GRIK3: variants seen among roughly 807,000 people sequenced by gnomAD.
GRIK3 encodes glutamate receptor ionotropic, kainate 3.
GRIK3 carries 29 observed loss-of-function variants against 102.5 expected under a neutral mutation model. The observed-to-expected ratio is 0.28, with a 90% CI of 0.21 to 0.39. GRIK3 has a LOEUF of 0.39. GRIK3 is among the 10% of genes least tolerant of loss of function. The probability of loss-of-function intolerance (pLI) is 1.00; values close to 1 mark genes in which losing one functional copy is unlikely to be tolerated. For missense variants in GRIK3, 908 were observed against 1,252.4 expected (o/e 0.73, Z 4.15); for synonymous variants, 511 against 504.9 (o/e 1.01, Z -0.16).
chr1:36,881,446 G>C (rs1034850024), intron 2 of GRIK3, among the ~76,000 whole-genome samples: 1 of 152,106 alleles, frequency 6.6e-6, no homozygotes, highest in Non-Finnish European at 1.5e-5. Flanking sequence ...ATAAACAGCA[G>C]CTCCATTGTC....
chr1:36,999,604 C>T (rs976177506), intron 1 of GRIK3, among the ~76,000 whole-genome samples: 3 of 152,256 alleles, frequency 2.0e-5, no homozygotes, highest in African/African-American at 7.2e-5. Context: ...TCAGCCCCCT[C>T]CCCTAGAAGC....
intron 1 of GRIK3, among the ~76,000 whole-genome samples, chr1:37,015,940 C>T (rs929994884): frequency 6.6e-6 from 1 of 152,260 alleles, no homozygotes; most frequent in Admixed American, 6.5e-5. Context: ...CATGTCCACA[C>T]ACCTCAAAGA....
rs78565013 is a variant in GRIK3, at chr1:36,915,275, C to T, written c.116-24179G>A. Among the ~76,000 whole-genome samples the T allele has an allele frequency of 7.5e-4, 114 of 152,306 alleles. 2 individuals are homozygous for T. The East Asian group carries it at 7.7e-3, about 10-fold the overall frequency. On this transcript the variant is annotated intron_variant, in intron 1 of 15. Transcript: ENST00000373091. ...AAATATCTATTTGCTGTCTAGTGTA[C>T]AGTCCACCTCTTCTCCCCACCCTCA...
At position 36,880,919 on chromosome 1, in the gene GRIK3, G is replaced by A; in HGVS notation, c.293-28C>T. On this transcript the variant is annotated intron_variant, in intron 2 of 15. Coordinates refer to ENST00000373091, the MANE Select transcript of GRIK3 (RefSeq NM_000831.4). The surrounding 1 kb of genome is among the most constrained non-coding windows in gnomAD (Gnocchi z 5.4). ...GCAACAGAGGGTAGGGCAGCACAGG[G>A]GTCAGCACTGGGGCTGTGGGTATGG... 1 of 1,573,792 alleles carries A rather than the reference G, an allele frequency of 6.4e-7. No homozygotes were observed. Among genetic ancestry groups the A allele is most frequent in the Non-Finnish European group, 8.6e-7 (1 of 1,158,886 alleles).
At chr1:36,998,449 A>G (rs1310881414) in intron 1 of GRIK3, among the ~76,000 whole-genome samples, 1 of 152,212 alleles carries the variant, frequency 6.6e-6, no homozygotes, top group South Asian at 2.1e-4. Context: ...TTGACTCTGT[A>G]TCTCTAGCAT....
At chr1:36,869,900 G>T in intron 4 of GRIK3, 99 bp from the exon 5 acceptor site, 1 of 837,508 alleles carries the variant, frequency 1.2e-6, no homozygotes, top group Non-Finnish European at 2.1e-6. Flanking sequence ...AGTGGGTTGG[G>T]GAAGGCTGGC....
chr1:36,873,952 A>G (rs1042313236), intron 3 of GRIK3, among the ~76,000 whole-genome samples: 28 of 152,182 alleles, frequency 1.8e-4, no homozygotes, highest in Admixed American at 1.2e-3. Context: ...GTCAGAGAGA[A>G]CAAGTAGCAA....
chr1:36,863,239 C>T (rs186327065), intron 5 of GRIK3, among the ~76,000 whole-genome samples: 73 of 152,234 alleles, frequency 4.8e-4, no homozygotes, highest in African/African-American at 1.5e-3. Flanking sequence ...CCTATGATGA[C>T]GCATCTCCTC....
At chr1:36,879,370 T>C (rs1446782666) in intron 3 of GRIK3, among the ~76,000 whole-genome samples, 8 of 152,174 alleles carry the variant, frequency 5.3e-5, no homozygotes, top group African/African-American at 1.4e-4. Context: ...GCTGCATGCC[T>C]ATAGTTCCAG....
intron 1 of GRIK3, among the ~76,000 whole-genome samples, chr1:36,956,256 C>A (rs576464599): frequency 2.6e-5 from 4 of 152,114 alleles, no homozygotes; most frequent in African/African-American, 9.7e-5. Flanking sequence ...AAGCAGGCAG[C>A]GTGATTGGTA....
intron 1 of GRIK3, among the ~76,000 whole-genome samples, chr1:36,967,737 G>A (rs1642095432): frequency 6.6e-6 from 1 of 152,210 alleles, no homozygotes; most frequent in African/African-American, 2.4e-5. Flanking sequence ...TGAGTCAGAA[G>A]CCCAACTTTA....
At chr1:36,896,144 G>T (rs1030464955) in intron 1 of GRIK3, among the ~76,000 whole-genome samples, 2 of 152,126 alleles carry the variant, frequency 1.3e-5, no homozygotes, top group South Asian at 4.1e-4. Flanking sequence ...TCTTTAGAGA[G>T]AAGGAAAATA....
chr1:36,832,477 C>T (rs1008948829), intron 10 of GRIK3, among the ~76,000 whole-genome samples: 2 of 152,160 alleles, frequency 1.3e-5, no homozygotes, highest in South Asian at 2.1e-4. Context: ...TGGACATGAA[C>T]CTGACAAACC....
intron 13 of GRIK3, among the ~76,000 whole-genome samples, chr1:36,815,504 C>G (rs1248372328): frequency 6.6e-6 from 1 of 152,204 alleles, no homozygotes; most frequent in East Asian, 1.9e-4. Context: ...GAAAATACCC[C>G]AGGCTTCCAT....
At chr1:36,802,945 C>T (rs1471412292) in intron 15 of GRIK3, among the ~76,000 whole-genome samples, 1 of 152,046 alleles carries the variant, frequency 6.6e-6, no homozygotes, top group East Asian at 1.9e-4. Flanking sequence ...ATACTTAATG[C>T]GACCCTACTA....
At chr1:36,909,600 CT>C (rs1407301983) in intron 1 of GRIK3, among the ~76,000 whole-genome samples, 1 of 152,090 alleles carries the variant, frequency 6.6e-6, no homozygotes, top group Non-Finnish European at 1.5e-5. Flanking sequence ...TGCGCCCGGC[CT>C]TTTTTTCTTT....
chr1:36,806,268 G>A lies in GRIK3; in HGVS notation c.2150C>T (p.Ala717Val), dbSNP rs1273819035. The A allele has an allele frequency of 3.7e-6, 6 of 1,614,142 alleles. No individual in the cohort carries two copies. The Middle Eastern group carries it at 6.6e-4, about 178-fold the overall frequency. ...GCCCTCCTCGTTGTTCTTCACCAGCGCCGATGGCTTGCTGCTCATGAAGGC... is the reference window on the plus strand; with the variant it reads ...GCCCTCCTCGTTGTTCTTCACCAGCACCGATGGCTTGCTGCTCATGAAGGC... ...MWAFMSSKPS[A>V]LVKNNEEGIQ... Residue 717 changes from alanine to valine, a missense_variant, in exon 14 of 16, where the codon GCG becomes GTG. Physicochemically the swap from Ala to Val is moderately conservative, Grantham distance 64. Coordinates refer to ENST00000373091, the MANE Select transcript of GRIK3 (RefSeq NM_000831.4). The surrounding 1 kb of genome is among the most constrained non-coding windows in gnomAD (Gnocchi z 4.0).
At chr1:36,948,954 G>A (rs894280050) in intron 1 of GRIK3, among the ~76,000 whole-genome samples, 6 of 152,312 alleles carry the variant, frequency 3.9e-5, no homozygotes, top group East Asian at 1.9e-4. Flanking sequence ...GGCACCAAGC[G>A]CAGCTCCTGG....
At chr1:36,816,999 T>C in intron 13 of GRIK3, 61 bp downstream of exon 13, 1 of 1,170,672 alleles carries the variant, frequency 8.5e-7, no homozygotes, top group South Asian at 1.3e-5. Context: ...CCTCTTCTGC[T>C]CAGTAAAGGG....
Sources: allele counts gnomAD v4.1 joint callset (sites outside exome capture counted in the v4.1 genomes callset), GRCh38; gene constraint gnomAD v4.1.1; non-coding constraint Gnocchi (gnomAD v3.1); transcripts MANE v1.5; gene names NCBI Gene and HGNC (gene_info 2026-07-23, HGNC 2026-07-21).